Variants in DTX4 observed in about 807,000 individuals in gnomAD.
DTX4 encodes the protein deltex E3 ubiquitin ligase 4, also known as E3 ubiquitin-protein ligase DTX4.
DTX4 carries 28 observed loss-of-function variants against 57.6 expected under a neutral mutation model. The observed-to-expected ratio is 0.49, with a 90% CI of 0.36 to 0.67. The LOEUF (loss-of-function observed/expected upper bound fraction) is 0.67, where lower values mean the gene tolerates loss of function less well. DTX4 is among the 30% of genes least tolerant of loss of function. The probability of loss-of-function intolerance (pLI) is 0.00; values close to 1 mark genes in which losing one functional copy is unlikely to be tolerated. For missense variants in DTX4, 715 were observed against 836.8 expected, an observed-to-expected ratio of 0.85 and a Z score of 1.80; for synonymous variants, 316 against 331.0, an observed-to-expected ratio of 0.95 and a Z score of 0.49.
chr11:59,174,569 C>A (rs1364455992), intron 1 of DTX4, among the ~76,000 whole-genome samples: 1 of 151,118 alleles, frequency 6.6e-6, no homozygotes, highest in East Asian at 1.9e-4. Flanking sequence ...GGAAAACCAC[C>A]CTTGTGACAG....
At chr11:59,184,019 A>G (rs975770172) in intron 2 of DTX4, among the ~76,000 whole-genome samples, 1 of 152,226 alleles carries the variant, frequency 6.6e-6, no homozygotes, top group Non-Finnish European at 1.5e-5. Flanking sequence ...TCTTTTGGCT[A>G]AAGCCCAGCT....
intron 4 of DTX4, among the ~76,000 whole-genome samples, chr11:59,189,979 C>T (rs1371277660): frequency 1.3e-5 from 2 of 152,208 alleles, no homozygotes; most frequent in African/African-American, 4.8e-5. Context: ...TTGACCATCT[C>T]CCTAAGCCCC....
intron 1 of DTX4, among the ~76,000 whole-genome samples, chr11:59,175,659 A>G (rs1590977698): frequency 6.6e-6 from 1 of 152,256 alleles, no homozygotes; most frequent in East Asian, 1.9e-4. Context: ...TCCACCTGCC[A>G]TCATTTACCT....
chr11:59,196,034 G>A (rs1281090355), intron 7 of DTX4, among the ~76,000 whole-genome samples: 2 of 152,240 alleles, frequency 1.3e-5, no homozygotes, highest in South Asian at 2.1e-4. Flanking sequence ...AAATACAAAT[G>A]TGGCACCTTC....
intron 2 of DTX4, among the ~76,000 whole-genome samples, chr11:59,182,716 C>T (rs895060818): frequency 7.9e-5 from 12 of 152,290 alleles, no homozygotes; most frequent in African/African-American, 1.9e-4. Flanking sequence ...AGATCCCTAA[C>T]GTCATGGAGT....
In DTX4 at chr11:59,207,184, G is replaced by C. The variant is rs1175353774; in HGVS notation, c.*2275G>C. 6.6e-6 allele frequency: 1 copy of C among 152,376 alleles called. No individual in the cohort carries two copies. Among genetic ancestry groups the C allele is most frequent in the Admixed American group, 6.5e-5 (1 of 15,290 alleles). The allele number at this position is 152,376 out of a possible 1,614,324, so 9.4% of individuals were successfully genotyped here. A position where few individuals can be genotyped will look rare whatever the true frequency, so the allele number is the denominator to read the frequency against. On this transcript the variant is annotated 3_prime_UTR_variant, in exon 9 of 9. Transcript: ENST00000227451. ...CAATGAGGCAGTAGGAGGTGGGGAA[G>C]AAAAGAAGACAGACTTTCAAAATGG... is the stretch of plus-strand genomic sequence containing the variant.
chr11:59,191,100 TC>T lies in DTX4; in HGVS notation c.1160-12del. The T allele has an allele frequency of 6.4e-7, 1 of 1,564,266 alleles. No homozygotes were observed. The highest frequency in any genetic ancestry group is 1.2e-5 in the South Asian group (1 of 84,580). On this transcript the variant is annotated splice_polypyrimidine_tract_variant and intron_variant, in intron 4 of 8. Coordinates refer to ENST00000227451, the MANE Select transcript of DTX4 (RefSeq NM_015177.2). ...CTCTGCCTTGGTGGCCCACTGAACC[TC>T]CTGTCTCTGCAGGTAAAACCCCAGA...
intron 4 of DTX4, among the ~76,000 whole-genome samples, chr11:59,190,781 A>G (rs2135520605): frequency 6.6e-6 from 1 of 152,356 alleles, no homozygotes; most frequent in Middle Eastern, 3.4e-3. Flanking sequence ...TTAACGTGTA[A>G]CAGTTTGCAA....
At position 59,172,513 on chromosome 11, in the gene DTX4, C is replaced by A; in HGVS notation, c.-83C>A. The A allele has an allele frequency of 1.1e-6, 1 of 939,936 alleles. No homozygotes were observed. Among genetic ancestry groups the A allele is most frequent in the Non-Finnish European group, 1.4e-6 (1 of 731,812 alleles). 58.2% of individuals were successfully genotyped at this position (939,936 alleles called of 1,614,324 possible). ...AGGGGGCGCGGTCGAGGCCCGGAGG[C>A]GGCGGCGCAGGAGGAAGCGGAGGAG... On this transcript the variant is annotated 5_prime_UTR_variant, in exon 1 of 9. Coordinates refer to ENST00000227451, the MANE Select transcript of DTX4 (RefSeq NM_015177.2).
At chr11:59,175,281 G>C (rs965613981) in intron 1 of DTX4, among the ~76,000 whole-genome samples, 8 of 152,208 alleles carry the variant, frequency 5.3e-5, no homozygotes, top group African/African-American at 1.9e-4. Context: ...CTGCCCAGAG[G>C]CGATTCCTCT....
At chr11:59,202,448 T>C (rs1862751316) in intron 8 of DTX4, among the ~76,000 whole-genome samples, 1 of 152,248 alleles carries the variant, frequency 6.6e-6, no homozygotes. Flanking sequence ...ATATCATTTG[T>C]AAAATGCACA....
At chr11:59,193,009 T>C (rs935106580) in intron 6 of DTX4, among the ~76,000 whole-genome samples, 1 of 152,232 alleles carries the variant, frequency 6.6e-6, no homozygotes, top group African/African-American at 2.4e-5. Flanking sequence ...CCTATTTCCA[T>C]GAGTACTTAT....
Position 59,188,797 on chromosome 11 carries a change from G to A in DTX4, c.997+1G>A. ...AGTCCTGTCAACCCTGCCTTGGCAGGTAAGAGAAACCCCAGGATGCTCTGG... is the reference window on the plus strand; with the variant it reads ...AGTCCTGTCAACCCTGCCTTGGCAGATAAGAGAAACCCCAGGATGCTCTGG... On this transcript the variant is annotated splice_donor_variant, in intron 3 of 8. Transcript: ENST00000227451. LOFTEE classifies it high-confidence loss of function. 6.2e-7 allele frequency: 1 copy of A among 1,613,518 alleles called. No homozygotes were observed. The highest frequency in any genetic ancestry group is 1.1e-5 in the South Asian group (1 of 91,046).
At chr11:59,192,066 C>A (rs372183643) in intron 5 of DTX4, 32 bp from the exon 6 acceptor site, 9 of 1,597,740 alleles carry the variant, frequency 5.6e-6, no homozygotes, top group Admixed American at 1.7e-5. Context: ...TGAGAGCTGA[C>A]AGCCTCTCTG....
chr11:59,188,738 C>A lies in DTX4; in HGVS notation c.939C>A (p.Val313=), dbSNP rs1201792787. ...TATCTGCTCTTTCCTTTCACAGGGT[C>A]CCCACAGTCCCAGTGAAGAACCTAA... ...AQSRVLIASG[V]PTVPVKNLNG... Residue 313 remains valine (V), a synonymous_variant, in exon 3 of 9, where the codon GTC becomes GTA. Coordinates refer to ENST00000227451, the MANE Select transcript of DTX4 (RefSeq NM_015177.2). 5.0e-6 allele frequency: 8 copies of A among 1,613,594 alleles called. No individual in the cohort carries two copies. Among genetic ancestry groups the A allele is most frequent in the Non-Finnish European group, 6.8e-6 (8 of 1,179,648 alleles).
chr11:59,198,975 C>G (rs1375888598), intron 7 of DTX4, among the ~76,000 whole-genome samples: 1 of 152,102 alleles, frequency 6.6e-6, no homozygotes, highest in Non-Finnish European at 1.5e-5. Context: ...TTTTTCTCAC[C>G]AAGTGGCCTG....
At chr11:59,175,637 G>A (rs1190004409) in intron 1 of DTX4, among the ~76,000 whole-genome samples, 6 of 152,154 alleles carry the variant, frequency 3.9e-5, no homozygotes, top group Admixed American at 1.3e-4. Flanking sequence ...CAAAAGCCTC[G>A]GTGGGCCCCT....
At chr11:59,180,249 A>C (rs1862446753) in intron 1 of DTX4, among the ~76,000 whole-genome samples, 1 of 151,986 alleles carries the variant, frequency 6.6e-6, no homozygotes, top group Non-Finnish European at 1.5e-5. Flanking sequence ...TTAGGAAGGA[A>C]ATGGAGGCAA....
intron 1 of DTX4, 128 bp from the exon 2 acceptor site, chr11:59,181,611 G>T (rs1007684918): frequency 4.1e-5 from 55 of 1,334,298 alleles, no homozygotes; most frequent in Admixed American, 1.6e-4. Flanking sequence ...TTCAGGCAGT[G>T]TCATGCCCAG....
Sources: gnomAD v4.1 joint callset for allele counts (sites outside exome capture counted in the v4.1 genomes callset) on GRCh38, gnomAD v4.1.1 for gene constraint, MANE v1.5 for transcripts, NCBI Gene and HGNC (gene_info 2026-07-23, HGNC 2026-07-21) for gene names.